SGCZ: variants seen among roughly 807,000 people sequenced by gnomAD.
SGCZ encodes the protein zeta-sarcoglycan.
Under a neutral mutation model 41.3 loss-of-function variants are expected in SGCZ, and 40 were observed. The ratio of observed to expected loss-of-function variants is 0.97; its 90% CI spans 0.75 to 1.26. The LOEUF is 1.26. Ranked by LOEUF, SGCZ falls within the 50% of genes most tolerant of loss-of-function variation. The probability of loss-of-function intolerance (pLI) is 0.00; values close to 1 mark genes in which losing one functional copy is unlikely to be tolerated. For synonymous variants in SGCZ, 206 were observed against 137.5 expected (o/e 1.50, Z -3.49); for missense variants, 552 against 369.8 (o/e 1.49, Z -4.04).
At chr8:14,799,992 T>C (rs1801267544) in intron 1 of SGCZ, among the ~76,000 whole-genome samples, 1 of 152,204 alleles carries the variant, frequency 6.6e-6, no homozygotes, top group Admixed American at 6.5e-5. Flanking sequence ...TCATAATGTT[T>C]AACAAGAAAA....
At chr8:14,423,093 G>C (rs1427976200) in intron 2 of SGCZ, among the ~76,000 whole-genome samples, 1 of 151,368 alleles carries the variant, frequency 6.6e-6, no homozygotes, top group East Asian at 2.0e-4. Context: ...GTGTTCATAG[G>C]TAAACCTTTT....
At position 14,087,239 on chromosome 8, in the gene SGCZ, G is replaced by A. The variant is rs763335304; in HGVS notation, c.*3204C>T. On this transcript the variant is annotated 3_prime_UTR_variant, in exon 8 of 8. Transcript: ENST00000382080. The stretch of plus-strand genomic sequence containing the variant: ...TGTGTATGACTAATAAGTAAGTACC[G>A]GATAGAAATTTTGGAAATGTTGAAC... Among the ~76,000 whole-genome samples the A allele has an allele frequency of 1.5e-4, 22 of 151,472 alleles. No homozygotes were observed. The highest frequency in any genetic ancestry group is 3.9e-4 in the East Asian group (2 of 5,144).
chr8:14,327,018 C>T (rs1464144833), intron 2 of SGCZ, among the ~76,000 whole-genome samples: 1 of 152,104 alleles, frequency 6.6e-6, no homozygotes, highest in Non-Finnish European at 1.5e-5. Flanking sequence ...TTTCAAATGA[C>T]TAACCATTAT....
intron 1 of SGCZ, among the ~76,000 whole-genome samples, chr8:15,172,154 G>A (rs1031596136): frequency 1.4e-5 from 1 of 71,774 alleles, no homozygotes; most frequent in Non-Finnish European, 2.7e-5. Flanking sequence ...TTTATACTCT[G>A]TTTTTTTTTT....
chr8:14,092,827 A>G (rs1801729716), intron 7 of SGCZ, among the ~76,000 whole-genome samples: 1 of 152,056 alleles, frequency 6.6e-6, no homozygotes, highest in South Asian at 2.1e-4. Flanking sequence ...CTTTGTCGGC[A>G]ATGTAAAAAT....
intron 1 of SGCZ, among the ~76,000 whole-genome samples, chr8:15,120,197 T>C (rs1486176938): frequency 2.0e-5 from 3 of 152,222 alleles, no homozygotes; most frequent in Admixed American, 6.5e-5. Context: ...AATGAACGAA[T>C]GATAAATAAG....
At chr8:14,133,144 A>AAACTT (rs1486449059) in intron 5 of SGCZ, among the ~76,000 whole-genome samples, 2 of 152,140 alleles carry the variant, frequency 1.3e-5, no homozygotes, top group African/African-American at 4.8e-5. Context: ...CCCAAGGTGA[A>AAACTT]AACTTAAAGT....
intron 1 of SGCZ, among the ~76,000 whole-genome samples, chr8:15,181,150 C>A (rs1449903454): frequency 4.6e-5 from 7 of 152,000 alleles, no homozygotes; most frequent in African/African-American, 1.7e-4. Context: ...TATTTCAATA[C>A]AAAATGCCCA....
intron 2 of SGCZ, among the ~76,000 whole-genome samples, chr8:14,422,342 A>G (rs1030501206): frequency 1.3e-5 from 2 of 152,210 alleles, no homozygotes; most frequent in Admixed American, 6.5e-5. Context: ...TATACAATAC[A>G]TATATTTACT....
intron 2 of SGCZ, among the ~76,000 whole-genome samples, chr8:14,535,360 A>G (rs1803261708): frequency 6.6e-6 from 1 of 151,926 alleles, no homozygotes; most frequent in Admixed American, 6.6e-5. Flanking sequence ...CTATGTGACT[A>G]AAAATGCATC....
rs997338837 is a variant in SGCZ, at chr8:14,190,162, G to A, written c.425-25460C>T. 4.0e-5 allele frequency among the ~76,000 whole-genome samples: 6 copies of A among 150,732 alleles called. No homozygotes were observed. The East Asian group carries it at 5.9e-4, about 15-fold the overall frequency. On this transcript the variant is annotated intron_variant, in intron 4 of 7. Coordinates refer to ENST00000382080, the MANE Select transcript of SGCZ (RefSeq NM_139167.4). ...TGAGTAGCTGGGACTACAGGCGCCC[G>A]CCACCACGCCCGGCTAATTCTTTGT...
intron 2 of SGCZ, among the ~76,000 whole-genome samples, chr8:14,494,210 G>A (rs1801924139): frequency 6.6e-6 from 1 of 152,118 alleles, no homozygotes; most frequent in Admixed American, 6.6e-5. Context: ...TTAACAAGAT[G>A]GTGATTCCAA....
rs190907337 is a variant in SGCZ, at chr8:15,016,234, C to T, written c.39+221351G>A. Among the ~76,000 whole-genome samples, 7 of 152,288 alleles carry T rather than the reference C, an allele frequency of 4.6e-5. No homozygotes were observed. The East Asian group carries it at 1.2e-3, about 25-fold the overall frequency. ...TCCATCCCTTCCCATCCCATCCCCT[C>T]TCATTTCATTAATTCCAATCTCTCT... On this transcript the variant is annotated intron_variant, in intron 1 of 7. Transcript: ENST00000382080.
At chr8:14,899,571 C>G (rs1258260379) in intron 1 of SGCZ, among the ~76,000 whole-genome samples, 1 of 152,114 alleles carries the variant, frequency 6.6e-6, no homozygotes. Context: ...TTCACACTTC[C>G]CACTGCACAG....
intron 2 of SGCZ, among the ~76,000 whole-genome samples, chr8:14,448,912 C>A (rs1283443331): frequency 1.3e-5 from 2 of 152,180 alleles, no homozygotes; most frequent in Non-Finnish European, 2.9e-5. Flanking sequence ...TTAGACTAGG[C>A]ATGACCAAAA....
At chr8:14,799,181 A>C (rs1801233569) in intron 1 of SGCZ, among the ~76,000 whole-genome samples, 1 of 152,150 alleles carries the variant, frequency 6.6e-6, no homozygotes, top group Non-Finnish European at 1.5e-5. Context: ...CACTTACTTT[A>C]TAAAGATATT....
intron 1 of SGCZ, among the ~76,000 whole-genome samples, chr8:14,876,142 G>C (rs564720208): frequency 6.6e-6 from 1 of 152,036 alleles, no homozygotes; most frequent in Non-Finnish European, 1.5e-5. Context: ...GGACTGCCTA[G>C]GGATCTCTTA....
intron 1 of SGCZ, among the ~76,000 whole-genome samples, chr8:14,660,456 C>T (rs1807710920): frequency 6.6e-6 from 1 of 150,750 alleles, no homozygotes; most frequent in African/African-American, 2.4e-5. Context: ...CCTGTAATCC[C>T]AACTACCTGG....
chr8:14,878,749 G>C (rs1349169248), intron 1 of SGCZ, among the ~76,000 whole-genome samples: 1 of 152,156 alleles, frequency 6.6e-6, no homozygotes, highest in African/African-American at 2.4e-5. Context: ...GAATGGCAGA[G>C]GCAATGAAAC....
Sources: gnomAD v4.1 joint callset for allele counts (sites outside exome capture counted in the v4.1 genomes callset) on GRCh38, gnomAD v4.1.1 for gene constraint, MANE v1.5 for transcripts, NCBI Gene and HGNC (gene_info 2026-07-23, HGNC 2026-07-21) for gene names.